TAOK3: variants seen among roughly 807,000 people sequenced by gnomAD.
TAOK3 encodes serine/threonine-protein kinase TAO3.
TAOK3 carries 40 observed loss-of-function variants against 120.4 expected under a neutral mutation model. That is an observed-to-expected ratio of 0.33 (90% CI 0.26 to 0.43). The LOEUF is 0.43. Among genes scored for constraint, TAOK3 ranks in the 20% least tolerant of loss-of-function variants. The pLI is 1.00. For missense variants in TAOK3, 821 were observed against 1,112.1 expected (o/e 0.74, Z 3.72); for synonymous variants, 355 against 387.5 (o/e 0.92, Z 0.99).
At chr12:118,277,976 A>C (rs1055831907) in intron 1 of TAOK3, among the ~76,000 whole-genome samples, 9 of 152,106 alleles carry the variant, frequency 5.9e-5, no homozygotes, top group Non-Finnish European at 1.3e-4. Context: ...TTACCCTTGA[A>C]AATTCCAGTG....
chr12:118,204,801 G>A (rs540695430), intron 11 of TAOK3, among the ~76,000 whole-genome samples: 16 of 152,064 alleles, frequency 1.1e-4, no homozygotes, highest in African/African-American at 3.9e-4. Context: ...AGGCCAAGGC[G>A]GGCAGATCAC....
At chr12:118,265,064 T>C (rs943835124) in intron 2 of TAOK3, among the ~76,000 whole-genome samples, 2 of 151,626 alleles carry the variant, frequency 1.3e-5, no homozygotes, top group African/African-American at 2.4e-5. Flanking sequence ...TTAAATGAAG[T>C]AGAGAAAAAT....
At chr12:118,369,014 AAAAAAAAAAG>A (rs2045825545) in intron 1 of TAOK3, among the ~76,000 whole-genome samples, 1 of 149,242 alleles carries the variant, frequency 6.7e-6, no homozygotes, top group African/African-American at 2.5e-5. Flanking sequence ...GAAAAAAAAA[AAAAAAAAAAG>A]AAGAAGAAGA....
At chr12:118,361,686 T>A (rs2045604345) in intron 1 of TAOK3, among the ~76,000 whole-genome samples, 2 of 152,176 alleles carry the variant, frequency 1.3e-5, no homozygotes, top group Non-Finnish European at 2.9e-5. Flanking sequence ...CTTGAACTCC[T>A]GACCTCAAGT....
intron 1 of TAOK3, among the ~76,000 whole-genome samples, chr12:118,331,645 C>CAAA (rs57291591): frequency 0.017 from 830 of 47,898 alleles, 27 homozygotes; most frequent in African/African-American, 0.045. Flanking sequence ...ACTCTTATCT[C>CAAA]AAAAAAAAAA....
chr12:118,264,522 G>C (rs1334528836), intron 2 of TAOK3, among the ~76,000 whole-genome samples: 2 of 152,104 alleles, frequency 1.3e-5, no homozygotes, highest in Non-Finnish European at 2.9e-5. Context: ...AATTTAAAGA[G>C]ATAGAAATCA....
At chr12:118,263,183 A>G (rs891744248) in intron 2 of TAOK3, among the ~76,000 whole-genome samples, 5 of 152,222 alleles carry the variant, frequency 3.3e-5, no homozygotes, top group African/African-American at 1.2e-4. Context: ...GCCCAGAAGT[A>G]GACCCACATA....
At chr12:118,254,592 C>T (rs150253500) in intron 3 of TAOK3, among the ~76,000 whole-genome samples, 2 of 152,142 alleles carry the variant, frequency 1.3e-5, no homozygotes, top group African/African-American at 4.8e-5. Context: ...TAAAGGGTAT[C>T]TTGCAAAAGT....
At chr12:118,309,829 C>T (rs1198580991) in intron 1 of TAOK3, among the ~76,000 whole-genome samples, 2 of 152,034 alleles carry the variant, frequency 1.3e-5, no homozygotes, top group African/African-American at 2.4e-5. Flanking sequence ...TGGTGGTTTT[C>T]TTTATCTTCC....
chr12:118,331,280 A>G (rs1346604377), intron 1 of TAOK3, among the ~76,000 whole-genome samples: 1 of 152,162 alleles, frequency 6.6e-6, no homozygotes, highest in South Asian at 2.1e-4. Flanking sequence ...ATTAAGAAGT[A>G]AGGAGCCAGG....
chr12:118,336,892 C>T (rs1468489397), intron 1 of TAOK3, among the ~76,000 whole-genome samples: 1 of 151,962 alleles, frequency 6.6e-6, no homozygotes, highest in East Asian at 1.9e-4. Context: ...GCCAACATGG[C>T]GAAACCCTGT....
At chr12:118,332,740 G>C (rs1429968846) in intron 1 of TAOK3, among the ~76,000 whole-genome samples, 1 of 152,134 alleles carries the variant, frequency 6.6e-6, no homozygotes, top group Non-Finnish European at 1.5e-5. Flanking sequence ...TGTAGAAGTA[G>C]ATCACATAAT....
intron 1 of TAOK3, among the ~76,000 whole-genome samples, chr12:118,304,400 T>C (rs1289809340): frequency 6.6e-6 from 1 of 152,206 alleles, no homozygotes; most frequent in Non-Finnish European, 1.5e-5. Context: ...CTACAAAATA[T>C]ATAATATTAA....
intron 1 of TAOK3, among the ~76,000 whole-genome samples, chr12:118,319,876 T>C (rs1191445178): frequency 6.6e-6 from 1 of 152,156 alleles, no homozygotes; most frequent in African/African-American, 2.4e-5. Context: ...AAAGAGGGAC[T>C]CAAACAGATA....
chr12:118,314,927 TC>T (rs1313333968), intron 1 of TAOK3, among the ~76,000 whole-genome samples: 2 of 151,860 alleles, frequency 1.3e-5, no homozygotes, highest in Non-Finnish European at 2.9e-5. Flanking sequence ...TTTTTCTTTT[TC>T]TTTTTTTTTT....
rs140022569 is a variant in TAOK3 at position 118,238,111 on chromosome 12, A to G, written c.399T>C (p.His133=). The change falls in exon 7 of 21, where the codon CAT becomes CAC. Residue 133 remains histidine, a synonymous_variant. Transcript: ENST00000392533. ...CATGAGAATGTAGGTAGGCTAGTCC[A>G]TGCAAGGCTCCATGAGTAATGGCAG... ...EIAAITHGAL[H]GLAYLHSHAL... is the part of the protein sequence containing the mutation. 1.9e-6 allele frequency: 3 copies of G among 1,612,838 alleles called. No individual in the cohort carries two copies. The highest frequency in any genetic ancestry group is 1.3e-5 in the African/African-American group (1 of 74,860).
intron 17 of TAOK3, 113 bp from the exon 18 acceptor site, chr12:118,162,140 A>G: frequency 7.5e-7 from 1 of 1,330,752 alleles, no homozygotes; most frequent in Non-Finnish European, 1.0e-6. Flanking sequence ...TCTCTTAATT[A>G]AACCCATTAG....
chr12:118,208,188 A>G (rs959716522), intron 11 of TAOK3, among the ~76,000 whole-genome samples: 7 of 152,326 alleles, frequency 4.6e-5, no homozygotes, highest in Admixed American at 1.3e-4. Context: ...AACCATTTCA[A>G]TAATTTTACC....
At chr12:118,336,204 C>T (rs1409446754) in intron 1 of TAOK3, among the ~76,000 whole-genome samples, 1 of 152,088 alleles carries the variant, frequency 6.6e-6, no homozygotes, top group East Asian at 1.9e-4. Context: ...TATGTAGCTA[C>T]AGTAATCAAG....
Sources: gnomAD v4.1 joint callset for allele counts (sites outside exome capture counted in the v4.1 genomes callset) on GRCh38, gnomAD v4.1.1 for gene constraint, MANE v1.5 for transcripts, NCBI Gene and HGNC (gene_info 2026-07-23, HGNC 2026-07-21) for gene names.